The following SHTN1 variants were observed in gnomAD, a reference collection of about 807,000 sequenced individuals.
SHTN1 encodes the protein shootin 1, also known as shootin-1.
A neutral mutation model predicts 83.1 loss-of-function variants in SHTN1; 42 were observed. The observed-to-expected ratio is 0.51, with a 90% CI of 0.39 to 0.65. The LOEUF (loss-of-function observed/expected upper bound fraction) is 0.65. SHTN1 is among the 30% of genes least tolerant of loss of function. The pLI, the probability that SHTN1 is intolerant of heterozygous loss-of-function variation, is 0.00. For missense variants in SHTN1, 622 were observed against 737.8 expected (o/e 0.84, Z 1.82); for synonymous variants, 224 against 247.7 (o/e 0.90, Z 0.90).
At chr10:116,994,345 A>G (rs1218467702) in intron 1 of SHTN1, among the ~76,000 whole-genome samples, 1 of 152,138 alleles carries the variant, frequency 6.6e-6, no homozygotes, top group Non-Finnish European at 1.5e-5. Context: ...TGGTTAAACT[A>G]ACAAAAGTTG....
chr10:117,015,780 A>G (rs1369001851), intron 2 of SHTN1, among the ~76,000 whole-genome samples: 2 of 152,176 alleles, frequency 1.3e-5, no homozygotes, highest in African/African-American at 2.4e-5. Context: ...TTTCAATTCA[A>G]ATGCTCAACA....
At chr10:117,058,724 T>C (rs1197307760) in intron 1 of SHTN1, among the ~76,000 whole-genome samples, 1 of 152,146 alleles carries the variant, frequency 6.6e-6, no homozygotes, top group African/African-American at 2.4e-5. Context: ...ATGGCAGCCA[T>C]AGCCAAAAGC....
intron 1 of SHTN1, among the ~76,000 whole-genome samples, chr10:117,101,502 G>T (rs1853592504): frequency 6.6e-6 from 1 of 152,154 alleles, no homozygotes; most frequent in Non-Finnish European, 1.5e-5. Flanking sequence ...GGACGTGAAA[G>T]GCAGGCCAAT....
chr10:117,005,998 T>G (rs936718833), upstream of SHTN1, among the ~76,000 whole-genome samples: 1 of 152,210 alleles, frequency 6.6e-6, no homozygotes, highest in Non-Finnish European at 1.5e-5. Context: ...TCTGAACTAT[T>G]TGAACTCATG....
intron 1 of SHTN1, among the ~76,000 whole-genome samples, chr10:116,983,512 T>G (rs1431299733): frequency 6.6e-6 from 1 of 152,126 alleles, no homozygotes; most frequent in Admixed American, 6.5e-5. Context: ...TTCTGAGAGC[T>G]GTACTTGTCA....
chr10:117,120,811 AT>A (rs71013645), intron 1 of SHTN1, among the ~76,000 whole-genome samples: 90,980 of 141,402 alleles, frequency 0.64, 31,940 homozygotes, highest in Middle Eastern at 0.82. Context: ...CACTGATTTG[AT>A]TTTTTTTTTT....
intron 3 of SHTN1, among the ~76,000 whole-genome samples, chr10:116,962,784 A>T (rs574266296): frequency 6.6e-6 from 1 of 152,206 alleles, no homozygotes; most frequent in South Asian, 2.1e-4. Flanking sequence ...TTTCTTCTCA[A>T]AGAGAGAACA....
In SHTN1 at chr10:116,883,322, C is replaced by T. The variant is rs72831678; in HGVS notation, c.*3022G>A. On this transcript the variant is annotated 3_prime_UTR_variant, in exon 17 of 17. Transcript: ENST00000355371. ...TATATAACTGTATATATAATATTAT[C>T]TGTGAAAGAAATGAAAGAAACAGTC... The T allele has an allele frequency of 3.2e-4, 48 of 152,050 alleles. No individual in the cohort carries two copies. The highest frequency in any genetic ancestry group is 5.7e-4 in the Non-Finnish European group (39 of 68,000). 9.4% of individuals were successfully genotyped at this position (152,050 alleles called of 1,614,324 possible). A position where few individuals can be genotyped will look rare whatever the true frequency, so the allele number is the denominator to read the frequency against.
chr10:116,984,253 G>A (rs1318312026), intron 1 of SHTN1, among the ~76,000 whole-genome samples: 1 of 152,134 alleles, frequency 6.6e-6, no homozygotes, highest in Admixed American at 6.5e-5. Flanking sequence ...GCCACAAGTA[G>A]CTATTTAAAT....
chr10:117,004,987 C>G, intron 1 of SHTN1, 35 bp downstream of exon 1: 1 of 1,565,314 alleles, frequency 6.4e-7, no homozygotes, highest in Non-Finnish European at 8.7e-7. Context: ...CCACGGGCCG[C>G]GGCTGCCCAC....
At chr10:117,068,624 A>T (rs994339055) in intron 1 of SHTN1, among the ~76,000 whole-genome samples, 5 of 145,378 alleles carry the variant, frequency 3.4e-5, no homozygotes, top group Admixed American at 3.0e-4. Context: ...AAAAAAAAAA[A>T]AAGAGTCATC....
chr10:117,017,766 A>AC (rs1852202219), intron 2 of SHTN1, among the ~76,000 whole-genome samples: 1 of 152,150 alleles, frequency 6.6e-6, no homozygotes, highest in Non-Finnish European at 1.5e-5. Context: ...TAGCAACCTT[A>AC]CAGTGGCGAA....
At position 116,881,488 on chromosome 10, in the gene SHTN1, A is replaced by G. The variant is rs1847009367; in HGVS notation, c.*4856T>C. ...AAAAACTGGCACCATTGGATTAGAC[A>G]GTAAACTTTATTGTTACTTTAAATA... On this transcript the variant is annotated 3_prime_UTR_variant, in exon 17 of 17. Transcript: ENST00000355371. 6.6e-7 allele frequency: 1 copy of G among 1,508,268 alleles called. No homozygotes were observed. Among genetic ancestry groups the G allele is most frequent in the Non-Finnish European group, 8.9e-7 (1 of 1,123,746 alleles). 93.4% of individuals were successfully genotyped at this position (1,508,268 alleles called of 1,614,324 possible).
intron 1 of SHTN1, among the ~76,000 whole-genome samples, chr10:116,982,963 A>T (rs981974203): frequency 2.8e-5 from 4 of 143,930 alleles, no homozygotes; most frequent in East Asian, 2.0e-4. Context: ...ACTCTGTCTC[A>T]AAAAAAAAAA....
rs759706275 is a variant in SHTN1, at chr10:116,953,623, G to GTTTTT, written c.436+414_436+418dup. ...GACCCAGGCATCAGTTTTGTGTTTT[G>GTTTTT]TTTTTTTTTTTTTTTTTTTTTTGAG... On this transcript the variant is annotated intron_variant, in intron 5 of 16. Transcript: ENST00000355371. 9.5e-3 allele frequency among the ~76,000 whole-genome samples: 881 copies of GTTTTT among 92,438 alleles called. 6 individuals carry two copies. The highest frequency in any genetic ancestry group is 0.017 in the African/African-American group (399 of 22,848). The allele number at this position is 92,438 out of a possible 152,430, so 60.6% of individuals were successfully genotyped here. A position where few individuals can be genotyped will look rare whatever the true frequency, so the allele number is the denominator to read the frequency against.
intron 16 of SHTN1, chr10:116,901,078 C>T: frequency 1.0e-6 from 1 of 985,358 alleles, no homozygotes; most frequent in Non-Finnish European, 1.2e-6. Context: ...TCTGATTTGT[C>T]TCACCTCTTC....
upstream of SHTN1, among the ~76,000 whole-genome samples, chr10:117,009,976 TTAC>T (rs528367242): frequency 2.0e-5 from 3 of 151,784 alleles, no homozygotes; most frequent in African/African-American, 7.2e-5. Context: ...ATAGTTCTAA[TTAC>T]TACATTATAA....
intron 1 of SHTN1, among the ~76,000 whole-genome samples, chr10:117,098,224 TA>T (rs34407973): frequency 0.27 from 30,683 of 113,180 alleles, 4,559 homozygotes; most frequent in East Asian, 0.48. Context: ...CCGTCTCTAC[TA>T]AAAAAAAAAA....
intron 12 of SHTN1, among the ~76,000 whole-genome samples, chr10:116,917,645 C>A (rs1381473976): frequency 6.6e-6 from 1 of 152,148 alleles, no homozygotes; most frequent in Non-Finnish European, 1.5e-5. Context: ...TTAAATGCAC[C>A]ATACAAAAAC....
Sources: allele counts gnomAD v4.1 joint callset (sites outside exome capture counted in the v4.1 genomes callset), GRCh38; gene constraint gnomAD v4.1.1; transcripts MANE v1.5; gene names NCBI Gene and HGNC (gene_info 2026-07-23, HGNC 2026-07-21).